The following RAB11FIP4 variants were observed in gnomAD, a reference collection of about 807,000 sequenced individuals.
RAB11FIP4 encodes rab11 family-interacting protein 4.
RAB11FIP4 carries 23 observed loss-of-function variants against 74.3 expected under a neutral mutation model. The observed-to-expected ratio is 0.31, with a 90% CI of 0.22 to 0.44. The LOEUF (loss-of-function observed/expected upper bound fraction) is 0.44, where lower values mean the gene tolerates loss of function less well. Ranked by LOEUF, RAB11FIP4 falls within the 20% of genes least tolerant of loss-of-function variation. The pLI is 1.00. For missense variants in RAB11FIP4, 630 were observed against 863.9 expected (o/e 0.73, Z 3.39); for synonymous variants, 360 against 359.9 (o/e 1.00, Z 0.00).
In RAB11FIP4 at chr17:31,533,243, A is replaced by G. The variant is rs947908293; in HGVS notation, c.*1511A>G. On this transcript the variant is annotated 3_prime_UTR_variant, in exon 15 of 15. Coordinates refer to ENST00000621161, the MANE Select transcript of RAB11FIP4 (RefSeq NM_032932.6). ...GGGCTGTGGCCAGGACCAACCTTCA[A>G]TTCCATTCCAATCAGCCTTTGCATT... 6.6e-6 allele frequency: 1 copy of G among 152,178 alleles called. No individual in the cohort carries two copies. The highest frequency in any genetic ancestry group is 2.4e-5 in the African/African-American group (1 of 41,428). The allele number at this position is 152,178 out of a possible 1,614,324, so 9.4% of individuals were successfully genotyped here.
intron 3 of RAB11FIP4, among the ~76,000 whole-genome samples, chr17:31,516,805 C>G (rs574830710): frequency 6.6e-6 from 1 of 152,196 alleles, no homozygotes; most frequent in African/African-American, 2.4e-5. Context: ...GGGATGGGAG[C>G]AGGCCCAAGC....
At chr17:31,450,644 C>T (rs2071517706) in intron 3 of RAB11FIP4, among the ~76,000 whole-genome samples, 1 of 152,042 alleles carries the variant, frequency 6.6e-6, no homozygotes, top group Non-Finnish European at 1.5e-5. Context: ...CGCTGGGTCT[C>T]AGGCCTCGTC....
chr17:31,522,251 A>C, intron 6 of RAB11FIP4, 109 bp from the exon 7 acceptor site: 1 of 1,323,986 alleles, frequency 7.6e-7, no homozygotes, highest in South Asian at 1.3e-5. Context: ...AATTCCTTTC[A>C]GTGGGAGGGA....
Position 31,537,094 on chromosome 17 carries a change from C to T in RAB11FIP4, c.*5362C>T. On this transcript the variant is annotated 3_prime_UTR_variant, in exon 15 of 15. Transcript: ENST00000621161. ...GGCCCATCCGCTTTGCTGTGCTGCA[C>T]AGGCTGTTTTCATCTGCATGGTTTG... 2.5e-6 allele frequency: 1 copy of T among 399,642 alleles called. No homozygotes were observed. Among genetic ancestry groups the T allele is most frequent in the East Asian group, 3.6e-5 (1 of 28,086 alleles). The allele number at this position is 399,642 out of a possible 1,614,324, so 24.8% of individuals were successfully genotyped here.
chr17:31,475,898 A>G (rs531035484), intron 3 of RAB11FIP4, among the ~76,000 whole-genome samples: 2 of 152,094 alleles, frequency 1.3e-5, no homozygotes, highest in Non-Finnish European at 2.9e-5. Context: ...TGTGGAGAAA[A>G]TAACGACTGA....
intron 3 of RAB11FIP4, among the ~76,000 whole-genome samples, chr17:31,489,887 G>C (rs2071974207): frequency 6.6e-6 from 1 of 152,174 alleles, no homozygotes; most frequent in South Asian, 2.1e-4. Context: ...AAGGCCAGTA[G>C]AAGAGATAAG....
At chr17:31,488,611 T>C (rs1198011241) in intron 3 of RAB11FIP4, among the ~76,000 whole-genome samples, 3 of 152,210 alleles carry the variant, frequency 2.0e-5, no homozygotes, top group Non-Finnish European at 4.4e-5. Context: ...CGCCGTACCC[T>C]TGGGCCGGGT....
intron 3 of RAB11FIP4, among the ~76,000 whole-genome samples, chr17:31,444,508 C>G (rs1172287984): frequency 1.3e-5 from 2 of 152,116 alleles, no homozygotes; most frequent in African/African-American, 4.8e-5. Flanking sequence ...CCCTTTTGTT[C>G]GTTGCCTCAG....
rs2072461975 is a variant in RAB11FIP4 at position 31,512,089 on chromosome 17, T to C, written c.337-5562T>C. 1.3e-5 allele frequency among the ~76,000 whole-genome samples: 2 copies of C among 152,144 alleles called. No individual in the cohort carries two copies. The highest frequency in any genetic ancestry group is 4.8e-5 in the African/African-American group (2 of 41,428). ...AGGTAATTCCTCAGCTTGGCTTCTC[T>C]GAGGAGGGTGGGCGTCCCTCCTGGC... On this transcript the variant is annotated intron_variant, in intron 3 of 14. Transcript: ENST00000621161. The surrounding 1 kb of genome is among the most constrained non-coding windows in gnomAD (Gnocchi z 4.1).
chr17:31,494,817 A>T (rs188563731), intron 3 of RAB11FIP4, among the ~76,000 whole-genome samples: 103 of 152,230 alleles, frequency 6.8e-4, no homozygotes, highest in African/African-American at 2.4e-3. Flanking sequence ...GGCTCTGCAG[A>T]TACAGATTCT....
At chr17:31,392,201 G>C in intron 1 of RAB11FIP4, 190 bp downstream of exon 1, 1 of 392,374 alleles carries the variant, frequency 2.5e-6, no homozygotes, top group Non-Finnish European at 4.3e-6. Context: ...CTCGCTTTCC[G>C]CCCCCCGGCG....
intron 1 of RAB11FIP4, among the ~76,000 whole-genome samples, chr17:31,416,546 G>T (rs2071149879): frequency 6.6e-6 from 1 of 152,202 alleles, no homozygotes; most frequent in African/African-American, 2.4e-5. Flanking sequence ...CCGGCCTGGG[G>T]GTGGCGGCTC....
Position 31,522,346 on chromosome 17 carries a change from C to T in RAB11FIP4, c.894-14C>T. The T allele has an allele frequency of 1.2e-6, 2 of 1,613,728 alleles. No individual in the cohort carries two copies. The highest frequency in any genetic ancestry group is 4.5e-5 in the East Asian group (2 of 44,882). The stretch of plus-strand genomic sequence containing the variant: ...AACCCCTCTGTTCAATGACTGTTTC[C>T]TTTCTCTCTCTAGCCCCAACCGAAA... On this transcript the variant is annotated splice_polypyrimidine_tract_variant and intron_variant, in intron 6 of 14. Transcript: ENST00000621161.
rs201355819 is a variant in RAB11FIP4 at position 31,528,615 on chromosome 17, C to A, written c.1495-5C>A. ...CTCCTGCCAACCTGCTTCTCTCCCT[C>A]GCAGCTCATCGAGGACTTGCGGAAG... On this transcript the variant is annotated splice_region_variant and splice_polypyrimidine_tract_variant and intron_variant, in intron 12 of 14. Coordinates refer to ENST00000621161, the MANE Select transcript of RAB11FIP4 (RefSeq NM_032932.6). 1.2e-5 allele frequency: 20 copies of A among 1,613,258 alleles called. No homozygotes were observed. Among genetic ancestry groups the A allele is most frequent in the Non-Finnish European group, 1.6e-5 (19 of 1,179,688 alleles).
Position 31,512,740 on chromosome 17 carries a change from CAGA to C in RAB11FIP4, c.337-4910_337-4908del. Among the ~76,000 whole-genome samples the C allele has an allele frequency of 1.3e-5, 2 of 152,164 alleles. No homozygotes were observed. Among genetic ancestry groups the C allele is most frequent in the Non-Finnish European group, 2.9e-5 (2 of 68,022 alleles). On this transcript the variant is annotated intron_variant, in intron 3 of 14. Transcript: ENST00000621161. The surrounding 1 kb of genome is among the most constrained non-coding windows in gnomAD (Gnocchi z 4.1). Reference sequence around the variant, plus strand: ...CCTTCCCCAAAGGCCCCCAAAAGAGCAGACACAGCCTTTCTGTGCAAACCCTGG... The same window carrying C: ...CCTTCCCCAAAGGCCCCCAAAAGAGCCACAGCCTTTCTGTGCAAACCCTGG...
At chr17:31,454,814 G>A (rs2071563674) in intron 3 of RAB11FIP4, among the ~76,000 whole-genome samples, 1 of 152,124 alleles carries the variant, frequency 6.6e-6, no homozygotes, top group African/African-American at 2.4e-5. Context: ...AACCCAGGAG[G>A]CAGAGGTTTC....
intron 3 of RAB11FIP4, among the ~76,000 whole-genome samples, chr17:31,448,110 C>T (rs575475676): frequency 5.3e-5 from 8 of 152,308 alleles, no homozygotes; most frequent in South Asian, 2.1e-4. Context: ...CCGCGCCCTG[C>T]GGGAAAGACT....
At chr17:31,402,598 T>TTATTTTTATTTA (rs142035896) in intron 1 of RAB11FIP4, among the ~76,000 whole-genome samples, 17 of 142,752 alleles carry the variant, frequency 1.2e-4, no homozygotes, top group African/African-American at 1.6e-4. Flanking sequence ...TTTTATTTAT[T>TTATTTTTATTTA]TTTATTTATT....
At chr17:31,436,457 G>A (rs2071357947) in intron 3 of RAB11FIP4, among the ~76,000 whole-genome samples, 2 of 152,172 alleles carry the variant, frequency 1.3e-5, no homozygotes, top group South Asian at 4.1e-4. Flanking sequence ...AGTTGGGGTA[G>A]GGGTGACGTG....
Sources: gnomAD v4.1 joint callset for allele counts (sites outside exome capture counted in the v4.1 genomes callset) on GRCh38, gnomAD v4.1.1 for gene constraint, Gnocchi (gnomAD v3.1) non-coding constraint, MANE v1.5 for transcripts, NCBI Gene and HGNC (gene_info 2026-07-23, HGNC 2026-07-21) for gene names.